Variants in NRXN2 observed in about 807,000 individuals in gnomAD.
NRXN2 encodes neurexin-2-beta.
A neutral mutation model predicts 128.8 loss-of-function variants in NRXN2; 29 were observed. The observed-to-expected ratio is 0.23, with a 90% CI of 0.17 to 0.31. NRXN2 has a LOEUF of 0.31. Among genes scored for constraint, NRXN2 ranks in the 10% least tolerant of loss-of-function variants. NRXN2 has a pLI of 1.00. For missense variants in NRXN2, 1,881 were observed against 2,452.6 expected (o/e 0.77, Z 4.92); for synonymous variants, 1,098 against 1,075.2 (o/e 1.02, Z -0.41).
intron 6 of NRXN2, among the ~76,000 whole-genome samples, chr11:64,681,411 C>T (rs140863844): frequency 2.4e-4 from 36 of 152,082 alleles, no homozygotes; most frequent in Admixed American, 7.2e-4. Context: ...TGTGATGAGA[C>T]GGCTCAAATA....
chr11:64,667,769 A>T lies in NRXN2; in HGVS notation c.1360-81T>A, dbSNP rs2050089506. On this transcript the variant is annotated intron_variant, in intron 8 of 22. Coordinates refer to ENST00000265459, the MANE Select transcript of NRXN2 (RefSeq NM_015080.4). The surrounding 1 kb of genome is among the most constrained non-coding windows in gnomAD (Gnocchi z 5.6). ...CCACTCCCACCCAGCAGCGAGCACC[A>T]GGGGACCCAGCCACCCACCCCTGTA... is the stretch of plus-strand genomic sequence containing the variant. The T allele has an allele frequency of 3.6e-6, 5 of 1,393,676 alleles. No homozygotes were observed. In the East Asian group the frequency reaches 1.1e-4, roughly 32 times the overall value. 86.3% of individuals were successfully genotyped at this position (1,393,676 alleles called of 1,614,324 possible).
At chr11:64,691,410 CTA>C (rs1221778776) in intron 4 of NRXN2, among the ~76,000 whole-genome samples, 1 of 152,200 alleles carries the variant, frequency 6.6e-6, no homozygotes, top group Non-Finnish European at 1.5e-5. Flanking sequence ...TCCAGTGAAC[CTA>C]TATACTCAGC....
Position 64,650,439 on chromosome 11 carries a change from C to A in NRXN2, c.3109+9G>T. 5 of 1,614,024 alleles carry A rather than the reference C, an allele frequency of 3.1e-6. 1 individual carries two copies. In the South Asian group the frequency reaches 5.5e-5, roughly 18 times the overall value. ...AGGGCCAGGCCTTCTCCAGAGGCCC[C>A]AGCCCCACCTTTGAGATCGAGGTTT... On this transcript the variant is annotated intron_variant, in intron 15 of 22. Coordinates refer to ENST00000265459, the MANE Select transcript of NRXN2 (RefSeq NM_015080.4).
chr11:64,652,980 G>A (rs2135459991), intron 12 of NRXN2, among the ~76,000 whole-genome samples: 1 of 149,612 alleles, frequency 6.7e-6, no homozygotes, highest in Non-Finnish European at 1.5e-5. Flanking sequence ...CACATGAAGA[G>A]CAGGGCGCCC....
At chr11:64,659,692 C>G (rs762097039) in intron 11 of NRXN2, 1 of 155,254 alleles carries the variant, frequency 6.4e-6, no homozygotes, top group African/African-American at 2.4e-5. Flanking sequence ...AAAACAGGGA[C>G]AGTAATGCTT....
rs536580773 is a variant in NRXN2, at chr11:64,620,892, G to A, written c.4174-520C>T. 3.3e-5 allele frequency among the ~76,000 whole-genome samples: 5 copies of A among 151,634 alleles called. No homozygotes were observed. In the East Asian group the frequency reaches 9.7e-4, roughly 29 times the overall value. ...CGGGCTGCACACAGTAATTAGGGCT[G>A]TGGTTGCCATGACGACAAGAGAAGA... On this transcript the variant is annotated intron_variant, in intron 21 of 22. Transcript: ENST00000265459.
In NRXN2 at chr11:64,648,802, T is replaced by C. The variant is rs2047074787; in HGVS notation, c.3215A>G (p.Asn1072Ser). Residue 1072 changes from asparagine (N) to serine (S), a missense_variant, in exon 16 of 23, where the codon AAC becomes AGC. Asn to Ser is a conservative substitution (Grantham distance 46). Around this residue, in one of 7 missense-constraint regions of NRXN2, gnomAD observed 390 missense variants for 599.6 expected, o/e 0.65. Coordinates refer to ENST00000265459, the MANE Select transcript of NRXN2 (RefSeq NM_015080.4). The surrounding 1 kb of genome is among the most constrained non-coding windows in gnomAD (Gnocchi z 4.1). ...FQGCLASVDL[N>S]GRLPDLIADA... ...GGCGATGAGGTCTGGGAGACGTCCG[T>C]TGAGGTCCACTGAGGCCAGGCAGCC... 2 of 1,614,176 alleles carry C rather than the reference T, an allele frequency of 1.2e-6. No individual in the cohort carries two copies. The highest frequency in any genetic ancestry group is 8.5e-7 in the Non-Finnish European group (1 of 1,180,006).
intron 22 of NRXN2, among the ~76,000 whole-genome samples, chr11:64,610,866 G>C (rs1463183824): frequency 1.3e-5 from 2 of 152,176 alleles, no homozygotes; most frequent in East Asian, 3.9e-4. Flanking sequence ...GAGTGCCTCT[G>C]GGGTCCTTCC....
rs182573484 is a variant in NRXN2, at chr11:64,622,378, G to A, written c.4173+375C>T. Among the ~76,000 whole-genome samples, 2 of 152,206 alleles carry A rather than the reference G, an allele frequency of 1.3e-5. No homozygotes were observed. Among genetic ancestry groups the A allele is most frequent in the Non-Finnish European group, 2.9e-5 (2 of 68,040 alleles). ...CTCCCACTCTCTGCCCACACAGAAC[G>A]CTAGGCATGGCCTTCACTGGGGAAG... On this transcript the variant is annotated intron_variant, in intron 21 of 22. Transcript: ENST00000265459. This position sits in a 1 kb window ranked among gnomAD's most constrained non-coding sequence, Gnocchi z 4.3.
chr11:64,720,168 CCAAA>C (rs2135696221), intron 1 of NRXN2, among the ~76,000 whole-genome samples: 1 of 152,348 alleles, frequency 6.6e-6, no homozygotes, highest in African/African-American at 2.4e-5. Flanking sequence ...CCCCACCATG[CCAAA>C]CAGTGGTGGT....
intron 4 of NRXN2, 138 bp downstream of exon 4, chr11:64,692,709 C>G: frequency 4.0e-6 from 3 of 748,586 alleles, no homozygotes; most frequent in African/African-American, 1.8e-5. Context: ...GCAAAGGAAG[C>G]GGGTAGGAAA....
In NRXN2 at chr11:64,668,526, A is replaced by C. The variant is rs776905316; in HGVS notation, c.1276T>G (p.Phe426Val). 4.3e-6 allele frequency: 7 copies of C among 1,614,092 alleles called. No individual in the cohort carries two copies. The highest frequency in any genetic ancestry group is 5.9e-6 in the Non-Finnish European group (7 of 1,180,010). ...EDYTMLGSDD[F>V]FYIGGSPNTA... is the part of the protein sequence containing the mutation. ...TTGGGGCTGCCCCCAATGTAGAAGA[A>C]GTCATCAGAGCCCAGCATGGTGTAA... Residue 426 changes from phenylalanine to valine, a missense_variant, in exon 8 of 23, where the codon TTC becomes GTC. Phe to Val is a conservative substitution (Grantham distance 50, BLOSUM62 -1). This residue lies in a region of NRXN2 where 997 missense variants were observed against 1,240.8 expected (regional missense o/e 0.80). Transcript: ENST00000265459.
intron 7 of NRXN2, among the ~76,000 whole-genome samples, chr11:64,670,442 G>A (rs2050482057): frequency 6.6e-6 from 1 of 152,148 alleles, no homozygotes; most frequent in South Asian, 2.1e-4. Context: ...AGAAGGAACT[G>A]GGATGAAAGG....
chr11:64,613,460 C>T (rs1478014185), intron 22 of NRXN2, among the ~76,000 whole-genome samples: 1 of 152,254 alleles, frequency 6.6e-6, no homozygotes, highest in East Asian at 1.9e-4. Context: ...TCCTGACATC[C>T]CCTGTGAGTA....
chr11:64,694,194 C>A (rs951426323), intron 3 of NRXN2, among the ~76,000 whole-genome samples: 3 of 152,180 alleles, frequency 2.0e-5, no homozygotes, highest in African/African-American at 7.2e-5. Flanking sequence ...TCAGAGCCCC[C>A]CCAGCCCCAC....
In NRXN2 at chr11:64,614,397, T is replaced by C. The variant is rs374016179; in HGVS notation, c.4252+5897A>G. ...GGTTACTTTGAACCTTAAACCACCC[T>C]TGGGCCCCAAATCTGCATGAGCAGG... On this transcript the variant is annotated intron_variant, in intron 22 of 22. Transcript: ENST00000265459. 2.2e-3 allele frequency among the ~76,000 whole-genome samples: 339 copies of C among 152,320 alleles called. 1 individual carries two copies. The highest frequency in any genetic ancestry group is 7.9e-3 in the African/African-American group (327 of 41,574).
In NRXN2 at chr11:64,713,427, G is replaced by C. The variant is rs757559993; in HGVS notation, c.273C>G (p.Phe91Leu). The C allele has an allele frequency of 6.6e-7, 1 of 1,505,586 alleles. No homozygotes were observed. Among genetic ancestry groups the C allele is most frequent in the Non-Finnish European group, 8.8e-7 (1 of 1,134,144 alleles). The allele number at this position is 1,505,586 out of a possible 1,614,324, so 93.3% of individuals were successfully genotyped here. Residue 91 changes from phenylalanine (F) to leucine (L), a missense_variant, in exon 2 of 23, where the codon TTC (phenylalanine) becomes TTG (leucine). Physicochemically the swap from Phe to Leu is conservative, Grantham distance 22. This residue lies in a region of NRXN2 where 997 missense variants were observed against 1,240.8 expected (regional missense o/e 0.80). Transcript: ENST00000265459. ...LLVDGRLRLR[F>L]TLSCAEPATL... is the part of the protein sequence containing the mutation. ...TGGCCGGCTCGGCGCACGAAAGCGT[G>C]AAGCGCAGCCGCAGGCGGCCGTCCA... is the stretch of plus-strand genomic sequence containing the variant.
intron 18 of NRXN2, among the ~76,000 whole-genome samples, chr11:64,634,426 G>C (rs1367734072): frequency 1.3e-5 from 2 of 152,154 alleles, no homozygotes; most frequent in East Asian, 3.9e-4. Context: ...AGAGATGGGG[G>C]AAAGGGCAGG....
At chr11:64,717,534 T>C (rs2057334211) in intron 1 of NRXN2, among the ~76,000 whole-genome samples, 1 of 152,220 alleles carries the variant, frequency 6.6e-6, no homozygotes, top group South Asian at 2.1e-4. Context: ...TCAGGACTTC[T>C]GCTGACTCTC....
Sources: gnomAD v4.1 joint callset for allele counts (sites outside exome capture counted in the v4.1 genomes callset) on GRCh38, gnomAD v4.1.1 for gene constraint, gnomAD v4.1.1 regional missense constraint, Gnocchi (gnomAD v3.1) non-coding constraint, MANE v1.5 for transcripts, NCBI Gene and HGNC (gene_info 2026-07-23, HGNC 2026-07-21) for gene names.